Variants in NNT observed in about 807,000 individuals in gnomAD.
The protein encoded by NNT is NAD(P) transhydrogenase, mitochondrial.
In NNT, 50 loss-of-function variants were observed where a neutral mutation model predicts 104.8. That is an observed-to-expected ratio of 0.48 (90% CI 0.38 to 0.60). The LOEUF (loss-of-function observed/expected upper bound fraction) is 0.60, where lower values mean the gene tolerates loss of function less well. NNT is among the 20% of genes least tolerant of loss of function. The probability of loss-of-function intolerance (pLI) is 0.00; values close to 1 mark genes in which losing one functional copy is unlikely to be tolerated. For missense variants in NNT, 1,131 were observed against 1,330.7 expected (o/e 0.85, Z 2.33); for synonymous variants, 461 against 490.4 (o/e 0.94, Z 0.79).
chr5:43,656,261 G>A (rs1051756615), intron 15 of NNT, among the ~76,000 whole-genome samples, 188 bp downstream of exon 15: 6 of 152,050 alleles, frequency 3.9e-5, no homozygotes, highest in African/African-American at 9.7e-5. Context: ...GCAACATAGC[G>A]AGACCCTATC....
At chr5:43,607,559 C>T (rs889141516) in intron 1 of NNT, among the ~76,000 whole-genome samples, 1 of 152,212 alleles carries the variant, frequency 6.6e-6, no homozygotes, top group African/African-American at 2.4e-5. Flanking sequence ...AGCCTTGTTG[C>T]TCACACAAAG....
At chr5:43,612,861 TG>T (rs746609950) in intron 2 of NNT, 46 bp from the exon 3 acceptor site, 12 of 1,378,100 alleles carry the variant, frequency 8.7e-6, no homozygotes, top group Middle Eastern at 1.8e-4. Flanking sequence ...ATTTTTTGTT[TG>T]TTTTTTTACC....
chr5:43,620,459 A>G (rs1001499172), intron 5 of NNT, among the ~76,000 whole-genome samples: 1 of 151,928 alleles, frequency 6.6e-6, no homozygotes, highest in Non-Finnish European at 1.5e-5. Context: ...TGACCTTGTG[A>G]TCCGCCCGCC....
chr5:43,690,601 T>C (rs895606618), intron 19 of NNT, among the ~76,000 whole-genome samples: 1 of 152,170 alleles, frequency 6.6e-6, no homozygotes, highest in African/African-American at 2.4e-5. Context: ...GGCAACATCA[T>C]GTAGTTATTC....
intron 19 of NNT, among the ~76,000 whole-genome samples, chr5:43,693,648 G>C (rs1452926630): frequency 2.0e-5 from 3 of 151,994 alleles, no homozygotes; most frequent in Non-Finnish European, 4.4e-5. Flanking sequence ...TGGCACAGAT[G>C]GTGACATTAG....
rs561348004 is a variant in NNT, at chr5:43,679,919, T to G, written c.2876+2113T>G. Among the ~76,000 whole-genome samples, 5 of 152,000 alleles carry G rather than the reference T, an allele frequency of 3.3e-5. No homozygotes were observed. The East Asian group carries it at 9.6e-4, about 29-fold the overall frequency. The stretch of plus-strand genomic sequence containing the variant: ...TTATTATGTAGGATCAGAATAAGAT[T>G]ATTAATTCAGTCTAGTTTCTCTATT... On this transcript the variant is annotated intron_variant, in intron 19 of 21. Coordinates refer to ENST00000344920, the MANE Select transcript of NNT (RefSeq NM_182977.3).
chr5:43,639,594 G>C (rs1751112042), intron 7 of NNT, among the ~76,000 whole-genome samples: 1 of 152,082 alleles, frequency 6.6e-6, no homozygotes, highest in Non-Finnish European at 1.5e-5. Context: ...TAGAGCCTAA[G>C]TAAAATTTTT....
intron 19 of NNT, among the ~76,000 whole-genome samples, chr5:43,689,472 C>T (rs1269765704): frequency 1.3e-5 from 2 of 152,140 alleles, no homozygotes; most frequent in African/African-American, 4.8e-5. Flanking sequence ...TCACCTAAGC[C>T]AATGTCTAGA....
Position 43,644,193 on chromosome 5 carries a change from TA to T in NNT, c.972del (p.Ala325LeufsTer9). 6.2e-7 allele frequency: 1 copy of T among 1,600,756 alleles called. No homozygotes were observed. The highest frequency in any genetic ancestry group is 1.8e-5 in the Admixed American group (1 of 55,700). On this transcript the variant is annotated frameshift_variant and splice_region_variant, in exon 8 of 22. Coordinates refer to ENST00000344920, the MANE Select transcript of NNT (RefSeq NM_182977.3). LOFTEE classifies it high-confidence loss of function. ...TGCTGCTTTCTTTGATTTTATTAGG[TA>T]AAAAAGCTCCAGTTTTATTTAATAA... ...ILISTALIPG[K>X]KAPVLFNKEM... is the part of the protein sequence containing the mutation.
Position 43,635,054 on chromosome 5 carries a change from A to G in NNT, c.964+6667A>G, listed in dbSNP as rs146435916. Among the ~76,000 whole-genome samples, 577 of 152,318 alleles carry G rather than the reference A, an allele frequency of 3.8e-3. 8 individuals are homozygous for G. The highest frequency in any genetic ancestry group is 0.013 in the African/African-American group (550 of 41,578). On this transcript the variant is annotated intron_variant, in intron 7 of 21. Coordinates refer to ENST00000344920, the MANE Select transcript of NNT (RefSeq NM_182977.3). The stretch of plus-strand genomic sequence containing the variant: ...GCACAAATAGCGTTACTGCTAATGT[A>G]CTAGTACTTCCCTACCATATGCATT...
intron 18 of NNT, among the ~76,000 whole-genome samples, chr5:43,675,976 C>A (rs79270704): frequency 6.6e-6 from 1 of 151,914 alleles, no homozygotes; most frequent in Non-Finnish European, 1.5e-5. Context: ...TTTTTGGGCC[C>A]GTTGTCAAGA....
rs1263763918 is a variant in NNT, at chr5:43,669,275, T to C, written c.2635-6236T>C. ...TTCCTAATTGAATACCCTTTATTTC[T>C]TTCTCCTGCCTGATTGCCCTGGCCA... On this transcript the variant is annotated intron_variant, in intron 17 of 21. Transcript: ENST00000344920. Among the ~76,000 whole-genome samples, 8 of 152,084 alleles carry C rather than the reference T, an allele frequency of 5.3e-5. No homozygotes were observed. The East Asian group carries it at 1.2e-3, about 22-fold the overall frequency.
At chr5:43,648,053 A>C in intron 10 of NNT, 1 of 1,232,866 alleles carries the variant, frequency 8.1e-7, no homozygotes, top group East Asian at 5.7e-5. Context: ...ACTTAAGAAA[A>C]CATATTCTTA....
chr5:43,700,118 G>T lies in NNT; in HGVS notation c.2877-1G>T. The T allele has an allele frequency of 6.2e-7, 1 of 1,611,236 alleles. No individual in the cohort carries two copies. The highest frequency in any genetic ancestry group is 8.5e-7 in the Non-Finnish European group (1 of 1,178,246). ...CAGCTCTTCATTTGTTTCATGTCTA[G>T]GTTTGGAATTCACCCAGTTGCAGGC... On this transcript the variant is annotated splice_acceptor_variant, in intron 19 of 21. Transcript: ENST00000344920. LOFTEE classifies it high-confidence loss of function.
intron 19 of NNT, among the ~76,000 whole-genome samples, chr5:43,685,304 G>A (rs897348371): frequency 2.0e-5 from 3 of 152,156 alleles, no homozygotes; most frequent in Admixed American, 2.0e-4. Flanking sequence ...TGGGATGATA[G>A]TATTGGGAAG....
chr5:43,704,125 A>G, intron 21 of NNT, 130 bp from the exon 22 acceptor site: 1 of 631,152 alleles, frequency 1.6e-6, no homozygotes, highest in Non-Finnish European at 2.5e-6. Context: ...GTATTTTTAA[A>G]GTCCCTGCAC....
chr5:43,687,632 C>T (rs889057013), intron 19 of NNT, among the ~76,000 whole-genome samples: 6 of 152,096 alleles, frequency 3.9e-5, no homozygotes, highest in South Asian at 4.1e-4. Context: ...TAATCTTGCA[C>T]GTGTTTTTCT....
intron 2 of NNT, among the ~76,000 whole-genome samples, chr5:43,612,313 C>T (rs985910430): frequency 1.3e-5 from 2 of 152,178 alleles, no homozygotes; most frequent in South Asian, 2.1e-4. Context: ...GGTGCAGCTG[C>T]TAGTTTTCCT....
chr5:43,685,167 A>G (rs944616918), intron 19 of NNT, among the ~76,000 whole-genome samples: 3 of 152,232 alleles, frequency 2.0e-5, no homozygotes, highest in Admixed American at 2.0e-4. Flanking sequence ...ATAAATATTT[A>G]TAGTTTTAAA....
Sources: allele counts gnomAD v4.1 joint callset (sites outside exome capture counted in the v4.1 genomes callset), GRCh38; gene constraint gnomAD v4.1.1; transcripts MANE v1.5; gene names NCBI Gene and HGNC (gene_info 2026-07-23, HGNC 2026-07-21).